Variants in SUCLG2 observed in about 807,000 individuals in gnomAD.
SUCLG2 encodes the protein succinate-CoA ligase GDP-forming subunit beta.
SUCLG2 carries 42 observed loss-of-function variants against 47.9 expected under a neutral mutation model. The observed-to-expected ratio is 0.88, with a 90% CI of 0.69 to 1.14. SUCLG2 has a LOEUF of 1.14. Ranked by LOEUF, SUCLG2 falls within the 50% of genes most tolerant of loss-of-function variation. The pLI is 0.00. For missense variants in SUCLG2, 571 were observed against 525.9 expected (o/e 1.09, Z -0.84); for synonymous variants, 195 against 197.3 (o/e 0.99, Z 0.10).
intron 7 of SUCLG2, among the ~76,000 whole-genome samples, chr3:67,507,401 T>G (rs1335516477): frequency 6.6e-6 from 1 of 152,204 alleles, no homozygotes; most frequent in African/African-American, 2.4e-5. Context: ...GAATTTCATT[T>G]TATGAATGTT....
chr3:67,504,819 T>C (rs1408039449), intron 7 of SUCLG2, among the ~76,000 whole-genome samples: 1 of 152,162 alleles, frequency 6.6e-6, no homozygotes, highest in Non-Finnish European at 1.5e-5. Context: ...TCACAGTGGC[T>C]AGCAAAATGA....
intron 2 of SUCLG2, among the ~76,000 whole-genome samples, chr3:67,585,646 C>T (rs989291482): frequency 1.3e-5 from 2 of 152,108 alleles, no homozygotes; most frequent in South Asian, 2.1e-4. Context: ...CCAGCTACCA[C>T]TCATGTTCCC....
intron 9 of SUCLG2, 147 bp downstream of exon 9, chr3:67,495,651 C>CAA (rs57812170): frequency 0.042 from 27,345 of 648,220 alleles, 37 homozygotes; most frequent in Non-Finnish European, 0.048. Flanking sequence ...GACTCCGTCT[C>CAA]AAAAAAAAAA....
intron 2 of SUCLG2, among the ~76,000 whole-genome samples, chr3:67,529,615 G>C (rs1218960618): frequency 6.6e-6 from 1 of 152,132 alleles, no homozygotes; most frequent in South Asian, 2.1e-4. Context: ...TGCGGGGGAA[G>C]GTTTAAAGAC....
intron 1 of SUCLG2, 108 bp from the exon 2 acceptor site, chr3:67,609,704 C>A: frequency 4.7e-6 from 5 of 1,055,172 alleles, no homozygotes; most frequent in East Asian, 2.8e-5. Flanking sequence ...AATCTGCAAC[C>A]CAGAGTTGAG....
At chr3:67,538,253 G>GT (rs1369177691) in intron 2 of SUCLG2, among the ~76,000 whole-genome samples, 1 of 152,138 alleles carries the variant, frequency 6.6e-6, no homozygotes, top group African/African-American at 2.4e-5. Context: ...TGTGTAAGGC[G>GT]TAAGGAAGGG....
intron 9 of SUCLG2, among the ~76,000 whole-genome samples, chr3:67,436,146 A>C (rs1352539272): frequency 1.3e-5 from 2 of 152,222 alleles, no homozygotes; most frequent in Non-Finnish European, 2.9e-5. Context: ...TTTAAGAACC[A>C]AAGGCTCAAA....
intron 10 of SUCLG2, among the ~76,000 whole-genome samples, chr3:67,399,509 C>A (rs1702635637): frequency 1.3e-5 from 2 of 152,176 alleles, no homozygotes; most frequent in Non-Finnish European, 2.9e-5. Context: ...ATAAAATTTG[C>A]ACTATAAAGT....
intron 2 of SUCLG2, among the ~76,000 whole-genome samples, chr3:67,583,941 C>A (rs1381148691): frequency 6.6e-6 from 1 of 152,188 alleles, no homozygotes; most frequent in Admixed American, 6.5e-5. Flanking sequence ...TTAAGGTCAA[C>A]TGCATAGTAA....
intron 10 of SUCLG2, among the ~76,000 whole-genome samples, chr3:67,394,779 C>T (rs1180675250): frequency 2.6e-5 from 4 of 151,378 alleles, no homozygotes; most frequent in South Asian, 4.2e-4. Flanking sequence ...AGAGAAAGGT[C>T]GGGTTACCCA....
intron 2 of SUCLG2, among the ~76,000 whole-genome samples, chr3:67,580,184 CTCTT>C (rs1707845525): frequency 6.6e-6 from 1 of 151,868 alleles, no homozygotes; most frequent in Admixed American, 6.6e-5. Context: ...AAAATCCCTC[CTCTT>C]TTTTTTCTAG....
rs147173109 is a variant in SUCLG2, at chr3:67,455,113, T to A, written c.1062+40685A>T. Among the ~76,000 whole-genome samples the A allele has an allele frequency of 1.1e-4, 17 of 152,306 alleles. No homozygotes were observed. In the East Asian group the frequency reaches 2.9e-3, roughly 26 times the overall value. ...TTCAAAGTTCACACATTGCATGTAG[T>A]TCTTAGGGTCTATTTCACATATTCA... On this transcript the variant is annotated intron_variant, in intron 9 of 10. Coordinates refer to ENST00000307227, the MANE Select transcript of SUCLG2 (RefSeq NM_003848.4).
chr3:67,417,613 A>T (rs569896946), intron 9 of SUCLG2, among the ~76,000 whole-genome samples: 2 of 152,334 alleles, frequency 1.3e-5, no homozygotes, highest in African/African-American at 2.4e-5. Flanking sequence ...TAAAACGTAG[A>T]CAATAATAGT....
chr3:67,391,851 G>A (rs1190077274), intron 10 of SUCLG2, among the ~76,000 whole-genome samples: 1 of 152,126 alleles, frequency 6.6e-6, no homozygotes, highest in East Asian at 1.9e-4. Context: ...CGTTTCCAAC[G>A]TGTGTTCTGT....
intron 10 of SUCLG2, among the ~76,000 whole-genome samples, chr3:67,367,214 A>AT (rs1220040626): frequency 6.6e-6 from 1 of 152,152 alleles, no homozygotes; most frequent in Non-Finnish European, 1.5e-5. Flanking sequence ...AGATTTTTAA[A>AT]TGTTATTTGA....
chr3:67,438,582 A>G (rs2106904931), intron 9 of SUCLG2, among the ~76,000 whole-genome samples: 1 of 152,304 alleles, frequency 6.6e-6, no homozygotes, highest in East Asian at 1.9e-4. Flanking sequence ...AGAAATACAA[A>G]CTACCATCAG....
chr3:67,468,639 G>T (rs949522592), intron 9 of SUCLG2, among the ~76,000 whole-genome samples: 5 of 152,170 alleles, frequency 3.3e-5, no homozygotes, highest in Admixed American at 2.0e-4. Flanking sequence ...CCAGGCATAT[G>T]AGGAAGCCAT....
intron 9 of SUCLG2, among the ~76,000 whole-genome samples, chr3:67,489,418 A>C (rs1216580098): frequency 6.6e-6 from 1 of 152,134 alleles, no homozygotes; most frequent in Non-Finnish European, 1.5e-5. Flanking sequence ...GGAAGTGGAG[A>C]CTAAATGACC....
chr3:67,384,562 A>G (rs1349812676), intron 10 of SUCLG2, among the ~76,000 whole-genome samples: 1 of 152,202 alleles, frequency 6.6e-6, no homozygotes, highest in Non-Finnish European at 1.5e-5. Context: ...GCTCTATACA[A>G]TCCAAATTTC....
Sources: allele counts gnomAD v4.1 joint callset (sites outside exome capture counted in the v4.1 genomes callset), GRCh38; gene constraint gnomAD v4.1.1; transcripts MANE v1.5; gene names NCBI Gene and HGNC (gene_info 2026-07-23, HGNC 2026-07-21).